The following PACSIN2 variants were observed in gnomAD, a reference collection of about 807,000 sequenced individuals.
PACSIN2 encodes protein kinase C and casein kinase substrate in neurons protein 2.
PACSIN2 carries 25 observed loss-of-function variants against 63.8 expected under a neutral mutation model. The ratio of observed to expected loss-of-function variants is 0.39; its 90% confidence interval spans 0.29 to 0.55. The LOEUF (loss-of-function observed/expected upper bound fraction) is 0.55, where lower values mean the gene tolerates loss of function less well. Ranked by LOEUF, PACSIN2 falls within the 20% of genes least tolerant of loss-of-function variation. The probability of loss-of-function intolerance (pLI) is 0.62; values close to 1 mark genes in which losing one functional copy is unlikely to be tolerated. For missense variants in PACSIN2, 518 were observed against 646.9 expected (o/e 0.80, Z 2.16); for synonymous variants, 255 against 256.2 (o/e 1.00, Z 0.05).
chr22:42,872,500 G>A (rs965913770), intron 10 of PACSIN2, among the ~76,000 whole-genome samples: 1 of 152,264 alleles, frequency 6.6e-6, no homozygotes, highest in Admixed American at 6.5e-5. Context: ...AGAATTAGAT[G>A]CAGTTTTCCC....
chr22:42,996,671 G>A (rs1923424666), intron 1 of PACSIN2, among the ~76,000 whole-genome samples: 1 of 152,136 alleles, frequency 6.6e-6, no homozygotes. Context: ...CAGCCTGGGT[G>A]ACAGAGTGAG....
At chr22:42,884,340 C>T in intron 6 of PACSIN2, 46 bp downstream of exon 6, 3 of 1,558,598 alleles carry the variant, frequency 1.9e-6, no homozygotes, top group Non-Finnish European at 2.6e-6. Context: ...AAAGCACTTT[C>T]CGTTGACTTC....
chr22:42,957,598 ATT>A (rs1353122613), intron 1 of PACSIN2, among the ~76,000 whole-genome samples: 1 of 152,210 alleles, frequency 6.6e-6, no homozygotes, highest in African/African-American at 2.4e-5. Flanking sequence ...AGTAAATTCC[ATT>A]TTTATAAATT....
chr22:42,929,483 T>C (rs2146770711), intron 1 of PACSIN2, among the ~76,000 whole-genome samples: 1 of 152,336 alleles, frequency 6.6e-6, no homozygotes, highest in East Asian at 1.9e-4. Context: ...CAGTGGATTG[T>C]GAAATGTTCA....
chr22:43,000,570 G>T (rs1269705355), intron 1 of PACSIN2, among the ~76,000 whole-genome samples: 3 of 152,214 alleles, frequency 2.0e-5, no homozygotes. Context: ...GCAGCAGAGA[G>T]AAAAGCATGG....
At chr22:42,966,617 G>A (rs1920960202) in intron 1 of PACSIN2, among the ~76,000 whole-genome samples, 1 of 152,136 alleles carries the variant, frequency 6.6e-6, no homozygotes, top group African/African-American at 2.4e-5. Flanking sequence ...CCCAATTGAG[G>A]AAAAACTTGA....
intron 2 of PACSIN2, chr22:42,909,681 G>C: frequency 2.3e-6 from 1 of 437,222 alleles, no homozygotes; most frequent in Non-Finnish European, 4.8e-6. Context: ...ATTTAACAGG[G>C]AGCATAAGAG....
At chr22:42,934,490 T>TG (rs1428301823) in intron 1 of PACSIN2, among the ~76,000 whole-genome samples, 1 of 152,230 alleles carries the variant, frequency 6.6e-6, no homozygotes, top group African/African-American at 2.4e-5. Flanking sequence ...GAACACCTCC[T>TG]GGGGCCTCCC....
chr22:42,944,623 A>G (rs1933326877), intron 1 of PACSIN2, among the ~76,000 whole-genome samples: 1 of 152,266 alleles, frequency 6.6e-6, no homozygotes, highest in Non-Finnish European at 1.5e-5. Flanking sequence ...TGCAATATTT[A>G]TAACAGCAAA....
In PACSIN2 at chr22:42,882,215, G is replaced by A. The variant is rs746857313; in HGVS notation, c.875C>T (p.Pro292Leu). ...DLRWFRANHG[P>L]GMAMNWPQFE... is the part of the protein sequence containing the mutation. ...CTGCGGCCAGTTCATGGCCATGCCCGGCCCGTGATTGGCTCGGAACCACCT... is the reference window on the plus strand; with the variant it reads ...CTGCGGCCAGTTCATGGCCATGCCCAGCCCGTGATTGGCTCGGAACCACCT... Residue 292 changes from proline to leucine, a missense_variant, in exon 7 of 11, where the codon CCG (proline) becomes CTG (leucine). Physicochemically the swap from Pro to Leu is moderately conservative, Grantham distance 98. Transcript: ENST00000263246. 5 of 1,613,932 alleles carry A rather than the reference G, an allele frequency of 3.1e-6. No individual in the cohort carries two copies. Among genetic ancestry groups the A allele is most frequent in the East Asian group, 2.2e-5 (1 of 44,888 alleles).
intron 2 of PACSIN2, among the ~76,000 whole-genome samples, chr22:42,903,074 A>G (rs146014681): frequency 0.018 from 2,800 of 152,340 alleles, 32 homozygotes; most frequent in East Asian, 0.03. Context: ...AAGCACAGCC[A>G]GCTGCAGGGC....
At chr22:42,925,930 G>A (rs1932507730) in intron 1 of PACSIN2, among the ~76,000 whole-genome samples, 1 of 152,156 alleles carries the variant, frequency 6.6e-6, no homozygotes, top group Middle Eastern at 3.2e-3. Context: ...TGTATGTCCA[G>A]TCAGTCTCCT....
rs1208620235 is a variant in PACSIN2 at position 42,870,785 on chromosome 22, C to T, written c.*572G>A. 1 of 152,494 alleles carries T rather than the reference C, an allele frequency of 6.6e-6. No homozygotes were observed. Among genetic ancestry groups the T allele is most frequent in the African/African-American group, 2.4e-5 (1 of 41,434 alleles). 9.4% of individuals were successfully genotyped at this position (152,494 alleles called of 1,614,324 possible). On this transcript the variant is annotated 3_prime_UTR_variant, in exon 11 of 11. Coordinates refer to ENST00000263246, the MANE Select transcript of PACSIN2 (RefSeq NM_001184970.3). ...ATTCCTTTCCTCAAACATCTGCCAC[C>T]TGAGGCTAAGCCTACACACGGCGTG...
intron 1 of PACSIN2, among the ~76,000 whole-genome samples, chr22:43,010,159 C>T (rs550235299): frequency 6.6e-6 from 1 of 151,666 alleles, no homozygotes; most frequent in African/African-American, 2.4e-5. Flanking sequence ...TGAGCCACAG[C>T]GCCCAGCCCC....
intron 2 of PACSIN2, among the ~76,000 whole-genome samples, chr22:42,909,215 T>C (rs562861688): frequency 1.3e-5 from 2 of 152,294 alleles, no homozygotes; most frequent in South Asian, 2.1e-4. Flanking sequence ...CATGATGACC[T>C]GCCTAGTGTC....
At chr22:42,998,906 TC>T (rs1923584510) in intron 1 of PACSIN2, among the ~76,000 whole-genome samples, 2 of 151,958 alleles carry the variant, frequency 1.3e-5, no homozygotes, top group African/African-American at 4.8e-5. Flanking sequence ...GAAGAGGAGA[TC>T]GGCTGCAGAA....
At chr22:42,994,392 C>A in intron 1 of PACSIN2, among the ~76,000 whole-genome samples, 1 of 152,226 alleles carries the variant, frequency 6.6e-6, no homozygotes. Flanking sequence ...CAGGCACACA[C>A]ATGAATCCAG....
At chr22:42,978,674 G>T (rs1319470461) in intron 1 of PACSIN2, among the ~76,000 whole-genome samples, 1 of 152,186 alleles carries the variant, frequency 6.6e-6, no homozygotes, top group African/African-American at 2.4e-5. Flanking sequence ...GATGTGCTAT[G>T]CTTTTTGGCC....
chr22:42,898,223 C>A (rs994910150), intron 2 of PACSIN2, among the ~76,000 whole-genome samples: 4 of 152,064 alleles, frequency 2.6e-5, no homozygotes, highest in African/African-American at 9.7e-5. Flanking sequence ...GCATACAGCA[C>A]CCCTGCCTTC....
Sources: gnomAD v4.1 joint callset for allele counts (sites outside exome capture counted in the v4.1 genomes callset) on GRCh38, gnomAD v4.1.1 for gene constraint, MANE v1.5 for transcripts, NCBI Gene and HGNC (gene_info 2026-07-23, HGNC 2026-07-21) for gene names.